Variants in VWA8 observed in about 807,000 individuals in gnomAD.
VWA8 encodes von Willebrand factor A domain-containing protein 8.
Under a neutral mutation model 241.5 loss-of-function variants are expected in VWA8, and 221 were observed. The observed-to-expected ratio is 0.91, with a 90% CI of 0.82 to 1.02. The LOEUF is 1.02. Ranked by LOEUF, VWA8 falls within the 50% of genes least tolerant of loss-of-function variation. The pLI, the probability that VWA8 is intolerant of heterozygous loss-of-function variation, is 0.00. For synonymous variants in VWA8, 852 were observed against 827.1 expected (o/e 1.03, Z -0.52); for missense variants, 2,322 against 2,328.7 (o/e 1.00, Z 0.06).
intron 25 of VWA8, among the ~76,000 whole-genome samples, chr13:41,720,054 T>C (rs1448374541): frequency 3.9e-5 from 6 of 152,118 alleles, no homozygotes; most frequent in African/African-American, 1.4e-4. Flanking sequence ...CTGCCTTTAA[T>C]ATGAGTACCA....
chr13:41,830,358 G>A (rs974357004), intron 14 of VWA8, among the ~76,000 whole-genome samples, 171 bp downstream of exon 14: 2 of 151,094 alleles, frequency 1.3e-5, no homozygotes, highest in African/African-American at 4.9e-5. Context: ...TTACACCTTG[G>A]AGAGCAACCT....
chr13:41,681,282 C>G (rs752246015), intron 35 of VWA8, among the ~76,000 whole-genome samples: 1 of 152,122 alleles, frequency 6.6e-6, no homozygotes, highest in Non-Finnish European at 1.5e-5. Context: ...CAGAGTTGAG[C>G]CCCATCTCTT....
intron 27 of VWA8, among the ~76,000 whole-genome samples, chr13:41,702,511 CT>C (rs1198029374): frequency 6.6e-6 from 1 of 152,240 alleles, no homozygotes; most frequent in Non-Finnish European, 1.5e-5. Flanking sequence ...GTGTGTTTCA[CT>C]TTGTCCTACT....
rs867901462 is a variant in VWA8, at chr13:41,647,684, C to T, written c.4611+23262G>A. On this transcript the variant is annotated intron_variant, in intron 37 of 44. Transcript: ENST00000379310. ...GTCACATTATTTACTGATAAATATA[C>T]ATCGCTAAAAGAATTCAAGTCTGGG... Among the ~76,000 whole-genome samples the T allele has an allele frequency of 3.3e-5, 5 of 151,998 alleles. No individual in the cohort carries two copies. The South Asian group carries it at 1.0e-3, about 32-fold the overall frequency.
chr13:41,735,242 C>T (rs559384994), intron 21 of VWA8, among the ~76,000 whole-genome samples: 83 of 152,282 alleles, frequency 5.5e-4, no homozygotes, highest in African/African-American at 1.9e-3. Flanking sequence ...AAAAGGAACT[C>T]TTCCATCATT....
chr13:41,651,632 C>A (rs1593674973), intron 37 of VWA8, among the ~76,000 whole-genome samples: 1 of 152,104 alleles, frequency 6.6e-6, no homozygotes, highest in Non-Finnish European at 1.5e-5. Context: ...TTATGGACAC[C>A]AAAATTTGAA....
At chr13:41,723,350 T>C (rs1202082223) in intron 24 of VWA8, among the ~76,000 whole-genome samples, 2 of 152,204 alleles carry the variant, frequency 1.3e-5, no homozygotes, top group African/African-American at 4.8e-5. Flanking sequence ...TGAATAATCA[T>C]TCCTCTTTTG....
intron 41 of VWA8, 132 bp from the exon 42 acceptor site, chr13:41,587,802 A>G (rs1332375459): frequency 2.8e-6 from 3 of 1,064,894 alleles, no homozygotes; most frequent in African/African-American, 1.6e-5. Flanking sequence ...TCAGCCCTGC[A>G]CAAGGCTGTC....
intron 24 of VWA8, among the ~76,000 whole-genome samples, chr13:41,726,623 G>GA (rs529698146): frequency 6.3e-4 from 96 of 152,168 alleles, no homozygotes; most frequent in African/African-American, 2.2e-3. Flanking sequence ...AATGGTTTAA[G>GA]AAAAAAGACT....
intron 29 of VWA8, among the ~76,000 whole-genome samples, chr13:41,693,842 A>G (rs983631232): frequency 6.6e-6 from 1 of 152,000 alleles, no homozygotes; most frequent in Non-Finnish European, 1.5e-5. Flanking sequence ...TTAGACTAAC[A>G]GGTTTGCAGA....
At position 41,778,036 on chromosome 13, in the gene VWA8, A is replaced by G; in HGVS notation, c.2298T>C (p.Asp766=). 1 of 1,612,370 alleles carries G rather than the reference A, an allele frequency of 6.2e-7. No individual in the cohort carries two copies. The highest frequency in any genetic ancestry group is 8.5e-7 in the Non-Finnish European group (1 of 1,179,442). Residue 766 remains aspartate, a synonymous_variant, in exon 20 of 45, where the codon GAT becomes GAC. Coordinates refer to ENST00000379310, the MANE Select transcript of VWA8 (RefSeq NM_015058.2). The stretch of plus-strand genomic sequence containing the variant: ...CTCCAAGGAGAAAGTCTTTCAGCAT[A>G]TCTTCCATCACTATCACATGCTAGA... ...DNIQHVIVME[D]MLKDFLLGEH... is the part of the protein sequence containing the mutation.
At chr13:41,744,251 C>A (rs551263224) in intron 21 of VWA8, among the ~76,000 whole-genome samples, 1 of 152,344 alleles carries the variant, frequency 6.6e-6, no homozygotes, top group Non-Finnish European at 1.5e-5. Context: ...AAAGCTGTCC[C>A]TCTAAATCAT....
chr13:41,885,790 T>C, intron 8 of VWA8, 130 bp downstream of exon 8: 4 of 674,754 alleles, frequency 5.9e-6, no homozygotes, highest in East Asian at 2.8e-5. Context: ...GCACAACAAA[T>C]TAATCTCAGG....
intron 9 of VWA8, among the ~76,000 whole-genome samples, chr13:41,873,267 A>G (rs1873728060): frequency 6.6e-6 from 1 of 152,202 alleles, no homozygotes; most frequent in South Asian, 2.1e-4. Context: ...ATCACAATTA[A>G]AAGAACTAGA....
chr13:41,626,001 A>T (rs2044687960), intron 37 of VWA8, among the ~76,000 whole-genome samples: 1 of 147,678 alleles, frequency 6.8e-6, no homozygotes, highest in Non-Finnish European at 1.5e-5. Context: ...CAAACACCGC[A>T]TGTTCTCACT....
intron 2 of VWA8, among the ~76,000 whole-genome samples, chr13:41,939,207 A>G (rs1054393213): frequency 1.3e-5 from 2 of 152,210 alleles, no homozygotes; most frequent in Non-Finnish European, 2.9e-5. Flanking sequence ...AAAGTTATCT[A>G]TTGAAAACTT....
chr13:41,911,777 A>C (rs1466508751), intron 3 of VWA8, among the ~76,000 whole-genome samples: 1 of 152,178 alleles, frequency 6.6e-6, no homozygotes, highest in Non-Finnish European at 1.5e-5. Flanking sequence ...CATTGCCTGA[A>C]TTTATATCTC....
intron 21 of VWA8, 119 bp from the exon 22 acceptor site, chr13:41,732,274 T>C: frequency 5.1e-6 from 4 of 784,674 alleles, no homozygotes; most frequent in Non-Finnish European, 2.0e-6. Flanking sequence ...CTGCTTCCCC[T>C]TCCCCCACCA....
intron 37 of VWA8, among the ~76,000 whole-genome samples, chr13:41,642,962 T>C (rs1215123434): frequency 2.0e-5 from 3 of 152,214 alleles, no homozygotes; most frequent in Non-Finnish European, 2.9e-5. Context: ...AATTTTGTCT[T>C]GAAAAGTAAC....
Sources: allele counts gnomAD v4.1 joint callset (sites outside exome capture counted in the v4.1 genomes callset), GRCh38; gene constraint gnomAD v4.1.1; transcripts MANE v1.5; gene names NCBI Gene and HGNC (gene_info 2026-07-23, HGNC 2026-07-21).